The following KRT32 variants were observed in gnomAD, a reference collection of about 807,000 sequenced individuals.
KRT32 encodes the protein keratin, type I cuticular Ha2.
KRT32 carries 44 observed loss-of-function variants against 41.8 expected under a neutral mutation model. The ratio of observed to expected loss-of-function variants is 1.05; its 90% CI spans 0.83 to 1.35. The LOEUF is 1.35. Among genes scored for constraint, KRT32 ranks in the 40% most tolerant of loss-of-function variants. KRT32 has a pLI of 0.00. For missense variants in KRT32, 576 were observed against 584.6 expected, an observed-to-expected ratio of 0.99 and a Z score of 0.15; for synonymous variants, 238 against 242.5, an observed-to-expected ratio of 0.98 and a Z score of 0.17.
intron 5 of KRT32, among the ~76,000 whole-genome samples, chr17:41,463,292 C>A (rs1338644379): frequency 6.6e-6 from 1 of 152,234 alleles, no homozygotes; most frequent in African/African-American, 2.4e-5. Flanking sequence ...TCTTCTGCAA[C>A]CTTTGTCTGC....
intron 5 of KRT32, 29 bp from the exon 6 acceptor site, chr17:41,463,079 G>A (rs1392718517): frequency 1.2e-5 from 19 of 1,585,680 alleles, no homozygotes; most frequent in Non-Finnish European, 1.3e-5. Context: ...TAACCATGAG[G>A]AAGGGAGCTG....
chr17:41,466,140 C>G lies in KRT32; in HGVS notation c.505G>C (p.Val169Leu), dbSNP rs146002434. ...GCCAGTTTGGCATTATCAATGTTCA[C>G]AACCATCCTGGCATTCTCTGCCTTG... is the stretch of plus-strand genomic sequence containing the variant. The part of the protein sequence containing the change: ...CTKAENARMV[V>L]NIDNAKLAAD... Residue 169 changes from valine to leucine, a missense_variant, in exon 2 of 7, where the codon GTG becomes CTG. Val to Leu is a conservative substitution (Grantham distance 32, BLOSUM62 1). Transcript: ENST00000225899. 25 of 1,614,042 alleles carry G rather than the reference C, an allele frequency of 1.5e-5. No homozygotes were observed. Among genetic ancestry groups the G allele is most frequent in the Non-Finnish European group, 2.1e-5 (25 of 1,180,032 alleles).
intron 3 of KRT32, among the ~76,000 whole-genome samples, chr17:41,465,068 T>A (rs1390563940): frequency 6.7e-6 from 1 of 149,250 alleles, no homozygotes; most frequent in Non-Finnish European, 1.5e-5. Flanking sequence ...AGTCAAGAGG[T>A]TGAGAGTCAA....
At chr17:41,465,698 G>A (rs1002930043) in intron 3 of KRT32, 75 bp downstream of exon 3, 16 of 1,472,348 alleles carry the variant, frequency 1.1e-5, no homozygotes, top group African/African-American at 5.6e-5. Context: ...TTCAACCCAC[G>A]CCTATCCAAC....
chr17:41,462,897 C>G lies in KRT32; in HGVS notation c.1150G>C (p.Asp384His). Reference protein sequence around the residue: ...RQNQEYQVLLDVRARLEGEIN... With the variant: ...RQNQEYQVLLHVRARLEGEIN... ...TCGCCCTCCAGCCGGGCCCGGACGT[C>G]CAGCAGCACCTGGTACTCCTGGTTC... The change falls in exon 6 of 7, where the codon GAC (aspartate) becomes CAC (histidine). Residue 384 changes from aspartate to histidine, a missense_variant. Physicochemically the swap from Asp to His is moderately conservative, Grantham distance 81. Coordinates refer to ENST00000225899, the MANE Select transcript of KRT32 (RefSeq NM_002278.3). 1 of 1,597,640 alleles carries G rather than the reference C, an allele frequency of 6.3e-7. No homozygotes were observed. Among genetic ancestry groups the G allele is most frequent in the Non-Finnish European group, 8.5e-7 (1 of 1,172,100 alleles).
At position 41,467,269 on chromosome 17, in the gene KRT32, G is replaced by A; in HGVS notation, c.57C>T (p.Pro19=). 6.2e-7 allele frequency: 1 copy of A among 1,613,582 alleles called. No homozygotes were observed. ...NNLQASLKSC[P]RPASVCSSGV... ...CGCTGGAACAGACCGAGGCAGGCCG[G>A]GGGCAGCTCTTGAGAGAGGCTTGCA... Residue 19 remains proline, a synonymous_variant, in exon 1 of 7, where the codon CCC becomes CCT. Transcript: ENST00000225899.
intron 3 of KRT32, 116 bp from the exon 4 acceptor site, chr17:41,464,559 C>T (rs1365701839): frequency 2.2e-5 from 21 of 959,352 alleles, no homozygotes; most frequent in Middle Eastern, 4.5e-4. Flanking sequence ...CATTAGATGG[C>T]CCCTAAGGAC....
Position 41,465,838 on chromosome 17 carries a change from C to G in KRT32, c.643G>C (p.Asp215His), listed in dbSNP as rs771625588. ...AGGGACTCAACCTGGGCCTCCAGGT[C>G]AGCCTTGCACAGAGTGAGATCATCC... Reference protein sequence around the residue: ...ILDDLTLCKADLEAQVESLKE... With the variant: ...ILDDLTLCKAHLEAQVESLKE... Residue 215 changes from aspartate (D) to histidine (H), a missense_variant, in exon 3 of 7, where the codon GAC (aspartate) becomes CAC (histidine). Transcript: ENST00000225899. 1.2e-6 allele frequency: 2 copies of G among 1,613,536 alleles called. No individual in the cohort carries two copies. The highest frequency in any genetic ancestry group is 1.7e-5 in the Admixed American group (1 of 59,978).
chr17:41,466,836 T>A (rs1368448464), intron 1 of KRT32, 22 bp downstream of exon 1: 1 of 1,556,354 alleles, frequency 6.4e-7, no homozygotes, highest in African/African-American at 1.4e-5. Context: ...AGAGAGCCTA[T>A]TCACCTCACC....
At position 41,467,380 on chromosome 17, in the gene KRT32, T is replaced by G; in HGVS notation, c.-55A>C. On this transcript the variant is annotated 5_prime_UTR_variant, in exon 1 of 7. The change abolishes an upstream ATG in the 5' untranslated region. Transcript: ENST00000225899. ...GCTACCTGGATGTCTACAGACCCCA[T>G]GCCGCCCGGGCCATTTTATGCCCTT... is the stretch of plus-strand genomic sequence containing the variant. 2 of 1,357,824 alleles carry G rather than the reference T, an allele frequency of 1.5e-6. No homozygotes were observed. The highest frequency in any genetic ancestry group is 2.0e-6 in the Non-Finnish European group (2 of 996,160). The allele number at this position is 1,357,824 out of a possible 1,614,324, so 84.1% of individuals were successfully genotyped here.
At position 41,460,175 on chromosome 17, in the gene KRT32, G is replaced by A. The variant is rs9893787; in HGVS notation, c.1282C>T (p.Arg428Cys). 6,154 of 1,613,272 alleles carry A rather than the reference G, an allele frequency of 3.8e-3. 193 individuals carry two copies. The African/African-American group carries it at 0.071, about 19-fold the overall frequency. The change falls in exon 7 of 7, where the codon CGC becomes TGC. Residue 428 changes from arginine (R) to cysteine (C), a missense_variant. Arg to Cys is a radical substitution (Grantham distance 180). Coordinates refer to ENST00000225899, the MANE Select transcript of KRT32 (RefSeq NM_002278.3). ...ACAGTGCGTGGCACACAGACGGTGC[G>A]GGGCACGCATGGGGAGGGCACACAG... ...TTCVPSPCVP[R>C]TVCVPRTVGM...
At chr17:41,461,701 G>A (rs1364249163) in intron 6 of KRT32, among the ~76,000 whole-genome samples, 5 of 152,224 alleles carry the variant, frequency 3.3e-5, no homozygotes, top group Non-Finnish European at 5.9e-5. Context: ...TACCATCTCC[G>A]TATGACCCAC....
chr17:41,466,680 C>T (rs1290943687), intron 1 of KRT32, among the ~76,000 whole-genome samples, 178 bp downstream of exon 1: 1 of 152,184 alleles, frequency 6.6e-6, no homozygotes, highest in Non-Finnish European at 1.5e-5. Context: ...AGACTAGATC[C>T]CAGATCTCTC....
intron 5 of KRT32, among the ~76,000 whole-genome samples, chr17:41,463,836 G>A (rs540847377): frequency 2.6e-5 from 4 of 152,342 alleles, no homozygotes; most frequent in East Asian, 3.9e-4. Context: ...GCTAAGCACA[G>A]AACAAGCCTT....
chr17:41,465,817 A>G lies in KRT32; in HGVS notation c.664T>C (p.Ser222Pro), dbSNP rs754584511. ...CKADLEAQVE[S>P]LKEELMCLKK... The stretch of plus-strand genomic sequence containing the variant: ...AGGCACATCAGCTCCTCCTTCAGGG[A>G]CTCAACCTGGGCCTCCAGGTCAGCC... The change falls in exon 3 of 7, where the codon TCC becomes CCC. Residue 222 changes from serine to proline, a missense_variant. Coordinates refer to ENST00000225899, the MANE Select transcript of KRT32 (RefSeq NM_002278.3). The G allele has an allele frequency of 1.4e-5, 22 of 1,613,244 alleles. 1 individual carries two copies. The South Asian group carries it at 2.1e-4, about 15-fold the overall frequency.
At chr17:41,461,184 T>A (rs1301359429) in intron 6 of KRT32, among the ~76,000 whole-genome samples, 1 of 152,194 alleles carries the variant, frequency 6.6e-6, no homozygotes, top group African/African-American at 2.4e-5. Flanking sequence ...TCTCCTTTCA[T>A]CGTGAGTAGT....
rs1315505506 is a variant in KRT32 at position 41,464,071 on chromosome 17, C to T, written c.996+7G>A. ...GGAGGGATGGGTGCCCACCCAGCAGCTCTCACCAGGCTGTGCTGGGCCTGC... is the reference window on the plus strand; with the variant it reads ...GGAGGGATGGGTGCCCACCCAGCAGTTCTCACCAGGCTGTGCTGGGCCTGC... On this transcript the variant is annotated splice_region_variant and intron_variant, in intron 5 of 6. Coordinates refer to ENST00000225899, the MANE Select transcript of KRT32 (RefSeq NM_002278.3). 6.3e-7 allele frequency: 1 copy of T among 1,578,000 alleles called. No individual in the cohort carries two copies. The highest frequency in any genetic ancestry group is 1.4e-5 in the African/African-American group (1 of 74,044).
intron 6 of KRT32, among the ~76,000 whole-genome samples, chr17:41,461,769 T>TC (rs2019003215): frequency 6.6e-6 from 1 of 152,242 alleles, no homozygotes; most frequent in Non-Finnish European, 1.5e-5. Flanking sequence ...ACACTTGCCC[T>TC]GAAGTTATAG....
intron 1 of KRT32, 150 bp from the exon 2 acceptor site, chr17:41,466,326 T>C: frequency 1.7e-6 from 1 of 600,346 alleles, no homozygotes; most frequent in South Asian, 2.1e-5. Flanking sequence ...CTGGGAGATA[T>C]TTAGCGAATT....
Sources: gnomAD v4.1 joint callset for allele counts (sites outside exome capture counted in the v4.1 genomes callset) on GRCh38, gnomAD v4.1.1 for gene constraint, MANE v1.5 for transcripts, NCBI Gene and HGNC (gene_info 2026-07-23, HGNC 2026-07-21) for gene names.